The following FGF12 variants were observed in gnomAD, a reference collection of about 807,000 sequenced individuals.
FGF12 encodes fibroblast growth factor 12B.
FGF12 carries 14 observed loss-of-function variants against 23.6 expected under a neutral mutation model. That is an observed-to-expected ratio of 0.59 (90% CI 0.39 to 0.93). The LOEUF (loss-of-function observed/expected upper bound fraction) is 0.93. Among genes scored for constraint, FGF12 ranks in the 40% least tolerant of loss-of-function variants. The pLI, the probability that FGF12 is intolerant of heterozygous loss-of-function variation, is 0.00. For synonymous variants in FGF12, 62 were observed against 77.3 expected, an observed-to-expected ratio of 0.80 and a Z score of 1.04; for missense variants, 175 against 217.8, an observed-to-expected ratio of 0.80 and a Z score of 1.24.
At chr3:192,671,483 C>A (rs1422991274) in intron 2 of FGF12, among the ~76,000 whole-genome samples, 1 of 152,122 alleles carries the variant, frequency 6.6e-6, no homozygotes, top group Non-Finnish European at 1.5e-5. Context: ...AGTTTTCTAG[C>A]AGTCAAAAGT....
intron 3 of FGF12, among the ~76,000 whole-genome samples, chr3:192,353,029 A>G (rs575050893): frequency 7.7e-4 from 117 of 152,308 alleles, no homozygotes; most frequent in Non-Finnish European, 1.4e-3. Flanking sequence ...CTTTACTTCT[A>G]TATCAGAAGT....
At chr3:192,308,680 CAAA>C (rs567424076) in intron 4 of FGF12, among the ~76,000 whole-genome samples, 6 of 129,712 alleles carry the variant, frequency 4.6e-5, no homozygotes, top group Non-Finnish European at 8.4e-5. Context: ...AACTCCATCT[CAAA>C]AAAAAAAAAG....
chr3:192,376,553 G>A (rs1576925273), intron 2 of FGF12, among the ~76,000 whole-genome samples: 1 of 151,900 alleles, frequency 6.6e-6, no homozygotes, highest in East Asian at 1.9e-4. Context: ...GTAGAGACGG[G>A]GTTGCTCCAT....
intron 2 of FGF12, among the ~76,000 whole-genome samples, chr3:192,435,784 G>C (rs1430951509): frequency 6.6e-6 from 1 of 152,126 alleles, no homozygotes; most frequent in Non-Finnish European, 1.5e-5. Flanking sequence ...TGGGCTCTGA[G>C]GATACAATCT....
chr3:192,415,732 T>TCACA (rs572589902), intron 2 of FGF12, among the ~76,000 whole-genome samples: 1,808 of 117,850 alleles, frequency 0.015, 30 homozygotes, highest in African/African-American at 0.036. Context: ...TCTCTCTCTC[T>TCACA]CACACACACA....
At chr3:192,415,776 A>ACACACACACACACACT (rs1048145236) in intron 2 of FGF12, among the ~76,000 whole-genome samples, 2 of 143,548 alleles carry the variant, frequency 1.4e-5, no homozygotes, top group African/African-American at 2.6e-5. Context: ...ACACACACAC[A>ACACACACACACACACT]CTCATGTTCA....
chr3:192,453,023 C>G (rs1471722706), intron 2 of FGF12, among the ~76,000 whole-genome samples: 1 of 152,170 alleles, frequency 6.6e-6, no homozygotes, highest in Non-Finnish European at 1.5e-5. Context: ...GTTTTCTCAA[C>G]TGCCTTTGTC....
intron 2 of FGF12, among the ~76,000 whole-genome samples, chr3:192,707,607 G>A (rs1055972449): frequency 1.3e-5 from 2 of 151,940 alleles, no homozygotes; most frequent in East Asian, 1.9e-4. Context: ...TTAGCTGGGT[G>A]TGGTGGCAGG....
chr3:192,584,440 C>T (rs1713290574), intron 2 of FGF12, among the ~76,000 whole-genome samples: 1 of 151,912 alleles, frequency 6.6e-6, no homozygotes, highest in Non-Finnish European at 1.5e-5. Flanking sequence ...TCCAGAGATA[C>T]ACTGAGGCCT....
rs146356661 is a variant in FGF12 at position 192,588,701 on chromosome 3, A to G, written c.13+138480T>C. Among the ~76,000 whole-genome samples the G allele has an allele frequency of 2.0e-5, 3 of 152,076 alleles. 1 individual carries two copies. The highest frequency in any genetic ancestry group is 7.2e-5 in the African/African-American group (3 of 41,548). ...GAAGATGTTAAAGCTCAGAAAATTA[A>G]CTCAAATTAACTCACCAAGGCTATA... is the stretch of plus-strand genomic sequence containing the variant. On this transcript the variant is annotated intron_variant, in intron 2 of 5. Transcript: ENST00000445105.
intron 5 of FGF12, among the ~76,000 whole-genome samples, chr3:192,165,836 A>G (rs1715134592): frequency 6.6e-6 from 1 of 152,182 alleles, no homozygotes; most frequent in African/African-American, 2.4e-5. Flanking sequence ...ACGTGACATC[A>G]GGGTTCCTGG....
chr3:192,227,950 T>C lies in FGF12; in HGVS notation c.229-57294A>G, dbSNP rs76213903. Among the ~76,000 whole-genome samples, 1,308 of 152,264 alleles carry C rather than the reference T, an allele frequency of 8.6e-3. 18 individuals are homozygous for C. The highest frequency in any genetic ancestry group is 0.03 in the African/African-American group (1,263 of 41,568). On this transcript the variant is annotated intron_variant, in intron 4 of 5. Coordinates refer to ENST00000445105, the MANE Select transcript of FGF12 (RefSeq NM_004113.6). ...TTTCTGTATTTTCTACAAGAGGACC[T>C]ATTACTTTAAAAGTTTGTTTGTTTA...
chr3:192,179,734 C>T (rs562158008), intron 4 of FGF12, among the ~76,000 whole-genome samples: 1 of 151,926 alleles, frequency 6.6e-6, no homozygotes, highest in Non-Finnish European at 1.5e-5. Flanking sequence ...TTAGTAGAGA[C>T]AGGGTTTCAT....
At chr3:192,526,042 G>A (rs917683358) in intron 2 of FGF12, among the ~76,000 whole-genome samples, 1 of 152,190 alleles carries the variant, frequency 6.6e-6, no homozygotes, top group Admixed American at 6.5e-5. Context: ...AAAGTGCTGG[G>A]ATTACAGCCA....
At chr3:192,502,543 C>G (rs913851900) in intron 2 of FGF12, among the ~76,000 whole-genome samples, 1 of 152,204 alleles carries the variant, frequency 6.6e-6, no homozygotes, top group Admixed American at 6.5e-5. Context: ...ATAACCCAAA[C>G]ACATAGAAAT....
At chr3:192,630,794 G>C (rs892000439) in intron 2 of FGF12, among the ~76,000 whole-genome samples, 1 of 151,010 alleles carries the variant, frequency 6.6e-6, no homozygotes, top group Non-Finnish European at 1.5e-5. Context: ...TCCTGACCTC[G>C]AGATCTGCCC....
intron 4 of FGF12, among the ~76,000 whole-genome samples, chr3:192,233,098 C>T (rs1276465498): frequency 6.6e-6 from 1 of 152,046 alleles, no homozygotes; most frequent in Non-Finnish European, 1.5e-5. Flanking sequence ...TCAATGATAG[C>T]TCTGGTTTAA....
intron 2 of FGF12, among the ~76,000 whole-genome samples, chr3:192,697,871 T>G (rs942671605): frequency 2.0e-5 from 3 of 152,200 alleles, no homozygotes; most frequent in African/African-American, 7.2e-5. Context: ...GCTGCTCCCT[T>G]GCCTAATTCA....
intron 2 of FGF12, among the ~76,000 whole-genome samples, chr3:192,553,391 A>C (rs913325511): frequency 6.6e-6 from 1 of 152,206 alleles, no homozygotes; most frequent in African/African-American, 2.4e-5. Flanking sequence ...TTTATATGAA[A>C]TACTACAATG....
Sources: gnomAD v4.1 joint callset for allele counts (sites outside exome capture counted in the v4.1 genomes callset) on GRCh38, gnomAD v4.1.1 for gene constraint, MANE v1.5 for transcripts, NCBI Gene and HGNC (gene_info 2026-07-23, HGNC 2026-07-21) for gene names.